The following PLPPR5 variants were observed in gnomAD, a reference collection of about 807,000 sequenced individuals.
PLPPR5 encodes phospholipid phosphatase related 5.
PLPPR5 carries 16 observed loss-of-function variants against 33.9 expected under a neutral mutation model. The ratio of observed to expected loss-of-function variants is 0.47; its 90% CI spans 0.32 to 0.72. The LOEUF is 0.72. PLPPR5 is among the 30% of genes least tolerant of loss of function. The pLI is 0.03. For synonymous variants in PLPPR5, 163 were observed against 150.3 expected (o/e 1.08, Z -0.62); for missense variants, 301 against 406.7 (o/e 0.74, Z 2.23).
rs540035816 is a variant in PLPPR5 at position 98,975,739 on chromosome 1, G to T, written c.238-18998C>A. Among the ~76,000 whole-genome samples the T allele has an allele frequency of 3.5e-4, 53 of 151,950 alleles. 1 individual carries two copies. Among genetic ancestry groups the T allele is most frequent in the Non-Finnish European group, 6.2e-4 (42 of 67,934 alleles). On this transcript the variant is annotated intron_variant, in intron 1 of 5. Coordinates refer to ENST00000263177, the MANE Select transcript of PLPPR5 (RefSeq NM_001037317.2). ...CTTTAAGAAAAGTCAAGGAAGAGGG[G>T]GACACTTCCCGATTTCCAGCAAATC...
chr1:98,959,383 T>C (rs1651143260), intron 1 of PLPPR5, among the ~76,000 whole-genome samples: 2 of 152,204 alleles, frequency 1.3e-5, no homozygotes, highest in African/African-American at 4.8e-5. Context: ...CAGAACAGTT[T>C]CTCAGTCACT....
At chr1:98,948,907 G>A (rs309076) in intron 3 of PLPPR5, among the ~76,000 whole-genome samples, 84,117 of 151,942 alleles carry the variant, frequency 0.55, 24,021 homozygotes, top group East Asian at 0.72. Context: ...GCAGCAACAC[G>A]TAGCGGAAAC....
At chr1:98,897,954 G>C (rs1447609931) in intron 5 of PLPPR5, among the ~76,000 whole-genome samples, 2 of 151,864 alleles carry the variant, frequency 1.3e-5, no homozygotes, top group Non-Finnish European at 2.9e-5. Context: ...AAAAAGGAAA[G>C]TTAAAAAAAG....
intron 1 of PLPPR5, among the ~76,000 whole-genome samples, chr1:98,969,705 C>G (rs1651588684): frequency 6.6e-6 from 1 of 151,510 alleles, no homozygotes; most frequent in African/African-American, 2.4e-5. Context: ...TGGTAGCAAA[C>G]AGTAAATTCT....
intron 4 of PLPPR5, among the ~76,000 whole-genome samples, chr1:98,917,645 T>A (rs1649406609): frequency 6.6e-6 from 1 of 152,228 alleles, no homozygotes; most frequent in South Asian, 2.1e-4. Flanking sequence ...TCAGCCATGA[T>A]ATCTCGTCTC....
At chr1:98,995,372 ACCTGGG>A (rs1212747803) in intron 1 of PLPPR5, among the ~76,000 whole-genome samples, 1 of 152,124 alleles carries the variant, frequency 6.6e-6, no homozygotes, top group Non-Finnish European at 1.5e-5. Context: ...TATTCTTATT[ACCTGGG>A]TGATGAAATA....
rs1297961490 is a variant in PLPPR5, at chr1:98,892,276, C to G, written c.*796G>C. ...TGGGAAATTACTCAATAATAAGGTA[C>G]CAGTGCTGAATTTACTCATTTAAAC... On this transcript the variant is annotated 3_prime_UTR_variant, in exon 6 of 6. Coordinates refer to ENST00000263177, the MANE Select transcript of PLPPR5 (RefSeq NM_001037317.2). 6.6e-6 allele frequency: 1 copy of G among 152,284 alleles called. No homozygotes were observed. The highest frequency in any genetic ancestry group is 1.5e-5 in the Non-Finnish European group (1 of 67,970). The allele number at this position is 152,284 out of a possible 1,614,324, so 9.4% of individuals were successfully genotyped here.
At chr1:98,901,790 A>T (rs1648702882) in intron 5 of PLPPR5, among the ~76,000 whole-genome samples, 1 of 152,110 alleles carries the variant, frequency 6.6e-6, no homozygotes, top group African/African-American at 2.4e-5. Flanking sequence ...AATTTATCTT[A>T]AATTATTAAT....
intron 1 of PLPPR5, among the ~76,000 whole-genome samples, chr1:98,987,007 C>T (rs7513475): frequency 0.02 from 2,999 of 151,744 alleles, 104 homozygotes; most frequent in African/African-American, 0.069. Flanking sequence ...TAAGGTTTTC[C>T]GACATCTATA....
chr1:98,944,563 C>T (rs1215158407), intron 3 of PLPPR5, among the ~76,000 whole-genome samples: 2 of 152,226 alleles, frequency 1.3e-5, no homozygotes, highest in African/African-American at 4.8e-5. Context: ...TTACCAGAGC[C>T]TTGATCTTGG....
intron 1 of PLPPR5, among the ~76,000 whole-genome samples, chr1:98,976,469 T>C (rs1651858039): frequency 6.6e-6 from 1 of 152,038 alleles, no homozygotes; most frequent in Admixed American, 6.6e-5. Flanking sequence ...ATCAAAATAG[T>C]GCATATCAAT....
chr1:98,911,532 T>A (rs1270474223), intron 5 of PLPPR5, among the ~76,000 whole-genome samples: 6 of 152,112 alleles, frequency 3.9e-5, no homozygotes, highest in African/African-American at 1.4e-4. Flanking sequence ...CAAGAACCTT[T>A]TAAATAATTT....
chr1:98,908,447 G>A (rs1364309885), intron 5 of PLPPR5, among the ~76,000 whole-genome samples: 10 of 152,160 alleles, frequency 6.6e-5, no homozygotes, highest in Admixed American at 6.6e-4. Flanking sequence ...TTCCTAGAAA[G>A]AGTCAGAAAT....
chr1:98,925,161 A>G (rs1295170212), intron 3 of PLPPR5, among the ~76,000 whole-genome samples: 1 of 152,258 alleles, frequency 6.6e-6, no homozygotes, highest in Non-Finnish European at 1.5e-5. Context: ...TCTATTAAGC[A>G]TGTTGGATAC....
chr1:98,989,398 A>G (rs371472162), intron 1 of PLPPR5, among the ~76,000 whole-genome samples: 68 of 152,248 alleles, frequency 4.5e-4, no homozygotes, highest in African/African-American at 1.6e-3. Context: ...TTTGGCTGGA[A>G]TAGAAAAAGA....
intron 1 of PLPPR5, among the ~76,000 whole-genome samples, chr1:98,991,684 A>C (rs1353774182): frequency 2.0e-5 from 3 of 152,108 alleles, no homozygotes; most frequent in Non-Finnish European, 4.4e-5. Context: ...GGTTGAGTTG[A>C]GGTCAGTGAG....
intron 3 of PLPPR5, among the ~76,000 whole-genome samples, chr1:98,932,712 C>G (rs1171384340): frequency 6.6e-6 from 1 of 152,170 alleles, no homozygotes; most frequent in East Asian, 1.9e-4. Context: ...ATCTCTACTT[C>G]CCCTCTAGCC....
At chr1:98,923,119 T>C (rs1025576935) in intron 3 of PLPPR5, among the ~76,000 whole-genome samples, 2 of 152,310 alleles carry the variant, frequency 1.3e-5, no homozygotes, top group South Asian at 2.1e-4. Flanking sequence ...ATGGTGTCAA[T>C]TGATTGCAGC....
At chr1:99,003,179 G>T (rs1474634095) in intron 1 of PLPPR5, among the ~76,000 whole-genome samples, 1 of 148,618 alleles carries the variant, frequency 6.7e-6, no homozygotes, top group Non-Finnish European at 1.5e-5. Flanking sequence ...CACAGGACAT[G>T]TGATAAAGTT....
Sources: gnomAD v4.1 joint callset for allele counts (sites outside exome capture counted in the v4.1 genomes callset) on GRCh38, gnomAD v4.1.1 for gene constraint, MANE v1.5 for transcripts, NCBI Gene and HGNC (gene_info 2026-07-23, HGNC 2026-07-21) for gene names.